PSPH: variants seen among roughly 807,000 people sequenced by gnomAD.
The protein encoded by PSPH is L-3-phosphoserine phosphatase.
A neutral mutation model predicts 23.4 loss-of-function variants in PSPH; 16 were observed. The observed-to-expected ratio is 0.68, with a 90% confidence interval of 0.46 to 1.04. The LOEUF is 1.04. PSPH is among the 50% of genes least tolerant of loss of function. The pLI, the probability that PSPH is intolerant of heterozygous loss-of-function variation, is 0.00. For missense variants in PSPH, 223 were observed against 273.7 expected, an observed-to-expected ratio of 0.81 and a Z score of 1.31; for synonymous variants, 68 against 99.7, an observed-to-expected ratio of 0.68 and a Z score of 1.89.
At chr7:56,034,278 A>C (rs1791427449) in intron 1 of PSPH, 172 bp from the exon 2 acceptor site, 1 of 152,168 alleles carries the variant, frequency 6.6e-6, no homozygotes, top group Non-Finnish European at 1.5e-5. Context: ...CTGCAGTCTG[A>C]GAGGTGCACG....
intron 1 of PSPH, among the ~76,000 whole-genome samples, chr7:56,038,332 G>A (rs865956188): frequency 1.3e-5 from 2 of 151,498 alleles, no homozygotes; most frequent in Non-Finnish European, 2.9e-5. Context: ...AGTGGTGGGC[G>A]CCTGCAGTCC....
intron 1 of PSPH, among the ~76,000 whole-genome samples, chr7:56,041,209 CTTTTTTT>C (rs1163943212): frequency 5.4e-5 from 7 of 130,408 alleles, no homozygotes; most frequent in South Asian, 2.5e-4. Flanking sequence ...CTCTCTCTCT[CTTTTTTT>C]TTTTTTTTTT....
At chr7:56,025,899 T>C (rs910231030) in intron 3 of PSPH, among the ~76,000 whole-genome samples, 3 of 152,026 alleles carry the variant, frequency 2.0e-5, no homozygotes, top group Non-Finnish European at 4.4e-5. Flanking sequence ...CCGGCCTATG[T>C]CATGTGTTTT....
intron 3 of PSPH, among the ~76,000 whole-genome samples, chr7:56,025,829 G>A (rs1045584399): frequency 6.6e-6 from 1 of 152,124 alleles, no homozygotes; most frequent in African/African-American, 2.4e-5. Flanking sequence ...CCTGACCTCA[G>A]GCAATCCACC....
At position 56,013,194 on chromosome 7, in the gene PSPH, T is replaced by C. The variant is rs548445836; in HGVS notation, c.571-1325A>G. Among the ~76,000 whole-genome samples the C allele has an allele frequency of 1.1e-3, 113 of 98,308 alleles. 2 individuals are homozygous for C. The highest frequency in any genetic ancestry group is 2.0e-3 in the African/African-American group (59 of 28,946). 64.5% of individuals were successfully genotyped at this position (98,308 alleles called of 152,430 possible). A position where few individuals can be genotyped will look rare whatever the true frequency, so the allele number is the denominator to read the frequency against. Reference sequence around the variant, plus strand: ...ACACACACACACACACACACACACATATATATAGCATTGATTTTAAAATGC... The same window carrying C: ...ACACACACACACACACACACACACACATATATAGCATTGATTTTAAAATGC... On this transcript the variant is annotated intron_variant, in intron 7 of 7. Transcript: ENST00000275605.
At chr7:56,023,863 C>A (rs2116739419) in intron 3 of PSPH, among the ~76,000 whole-genome samples, 1 of 152,202 alleles carries the variant, frequency 6.6e-6, no homozygotes, top group Non-Finnish European at 1.5e-5. Flanking sequence ...ATCCACCCTG[C>A]CACCTGGTTT....
In PSPH at chr7:56,011,770, C is replaced by G. The variant is rs377663461; in HGVS notation, c.670G>C (p.Glu224Gln). ...CTGTACGACAATGGATGTTATTCTT[C>G]CAGTTCTCCCAGCAGCTCTACAAAA... ...TDFVELLGEL[E>Q]E The change falls in exon 8 of 8, where the codon GAA becomes CAA. Residue 224 changes from glutamate to glutamine, a missense_variant. Transcript: ENST00000275605. 5.6e-6 allele frequency: 9 copies of G among 1,610,348 alleles called. No individual in the cohort carries two copies. Among genetic ancestry groups the G allele is most frequent in the Non-Finnish European group, 6.8e-6 (8 of 1,176,796 alleles).
Position 56,011,610 on chromosome 7 carries a change from C to G in PSPH, c.*152G>C. 2.0e-6 allele frequency: 1 copy of G among 487,940 alleles called. No individual in the cohort carries two copies. The highest frequency in any genetic ancestry group is 3.7e-6 in the Non-Finnish European group (1 of 270,156). 30.2% of individuals were successfully genotyped at this position (487,940 alleles called of 1,614,324 possible). A position where few individuals can be genotyped will look rare whatever the true frequency, so the allele number is the denominator to read the frequency against. Reference sequence around the variant, plus strand: ...CAGTTAAAAAAAAAAAAAAAGCAATCTTCTAGGATTCCTAACTGTAGTTTA... The same window carrying G: ...CAGTTAAAAAAAAAAAAAAAGCAATGTTCTAGGATTCCTAACTGTAGTTTA... On this transcript the variant is annotated 3_prime_UTR_variant, in exon 8 of 8. Coordinates refer to ENST00000275605, the MANE Select transcript of PSPH (RefSeq NM_004577.4).
At chr7:56,024,630 C>A (rs922761928) in intron 3 of PSPH, among the ~76,000 whole-genome samples, 24 of 151,490 alleles carry the variant, frequency 1.6e-4, no homozygotes. Flanking sequence ...CACCTATAGA[C>A]CTAGCTACTC....
Position 56,019,746 on chromosome 7 carries a change from A to C in PSPH, c.141-12T>G. ...TGGCTCGCCGTGTCCTAGGAGGGAGACCCAACAGTCAGGCCAGCCAGGTCC... is the reference window on the plus strand; with the variant it reads ...TGGCTCGCCGTGTCCTAGGAGGGAGCCCCAACAGTCAGGCCAGCCAGGTCC... On this transcript the variant is annotated splice_polypyrimidine_tract_variant and intron_variant, in intron 4 of 7. Transcript: ENST00000275605. The C allele has an allele frequency of 1.2e-6, 2 of 1,612,246 alleles. No homozygotes were observed. Among genetic ancestry groups the C allele is most frequent in the Non-Finnish European group, 1.7e-6 (2 of 1,179,752 alleles).
intron 7 of PSPH, among the ~76,000 whole-genome samples, chr7:56,013,447 C>T (rs149692760): frequency 2.0e-5 from 3 of 152,066 alleles, no homozygotes; most frequent in African/African-American, 4.8e-5. Flanking sequence ...TGGTCTGGGA[C>T]GTTGAGGCTG....
intron 1 of PSPH, among the ~76,000 whole-genome samples, chr7:56,041,448 T>C (rs1792531292): frequency 6.6e-6 from 1 of 151,790 alleles, no homozygotes; most frequent in East Asian, 2.0e-4. Flanking sequence ...CTTGACCTTG[T>C]GATCTGCCCG....
intron 1 of PSPH, among the ~76,000 whole-genome samples, chr7:56,044,997 G>A (rs1293076554): frequency 2.0e-5 from 3 of 151,534 alleles, no homozygotes; most frequent in East Asian, 1.9e-4. Context: ...GCTTGAACTC[G>A]GGAGGTGGAG....
chr7:56,042,005 C>G (rs561169529), intron 1 of PSPH, among the ~76,000 whole-genome samples: 7 of 151,734 alleles, frequency 4.6e-5, no homozygotes, highest in South Asian at 2.1e-4. Context: ...GGTGGATCAC[C>G]TGAGGTCAGG....
intron 1 of PSPH, among the ~76,000 whole-genome samples, chr7:56,048,323 A>C (rs1391949389): frequency 6.6e-6 from 1 of 152,092 alleles, no homozygotes; most frequent in African/African-American, 2.4e-5. Context: ...GGAAACATCA[A>C]ATAACCCTAA....
rs1790558612 is a variant in PSPH, at chr7:56,028,799, T to C, written c.-20+3130A>G. Among the ~76,000 whole-genome samples, 3 of 151,934 alleles carry C rather than the reference T, an allele frequency of 2.0e-5. No homozygotes were observed. The Admixed American group carries it at 2.0e-4, about 10-fold the overall frequency. On this transcript the variant is annotated intron_variant, in intron 3 of 7. Transcript: ENST00000275605. ...AATGGTGCACCTCCCTGTACACTTT[T>C]GATTTCCTCCTTCTTAATTTTTATT...
chr7:56,019,473 T>C, intron 5 of PSPH, 127 bp downstream of exon 5: 4 of 1,231,818 alleles, frequency 3.2e-6, no homozygotes, highest in Non-Finnish European at 3.3e-6. Context: ...ATTAAAAAAT[T>C]AAAAAATGAA....
chr7:56,018,162 A>G (rs1788833140), intron 5 of PSPH, among the ~76,000 whole-genome samples: 2 of 152,102 alleles, frequency 1.3e-5, no homozygotes, highest in Admixed American at 6.5e-5. Context: ...TGACCAAAAT[A>G]GTGAAACTCC....
intron 6 of PSPH, 110 bp from the exon 7 acceptor site, chr7:56,015,281 T>C (rs1788421297): frequency 1.6e-6 from 2 of 1,289,284 alleles, no homozygotes; most frequent in Middle Eastern, 1.9e-4. Flanking sequence ...AGGCTAAAAA[T>C]GGCCGTCGGT....
Sources: allele counts gnomAD v4.1 joint callset (sites outside exome capture counted in the v4.1 genomes callset), GRCh38; gene constraint gnomAD v4.1.1; transcripts MANE v1.5; gene names NCBI Gene and HGNC (gene_info 2026-07-23, HGNC 2026-07-21).